The following NHEJ1 variants were observed in gnomAD, a reference collection of about 807,000 sequenced individuals.
NHEJ1 encodes non-homologous end joining factor 1.
Under a neutral mutation model 39.4 loss-of-function variants are expected in NHEJ1, and 22 were observed. The ratio of observed to expected loss-of-function variants is 0.56; its 90% CI spans 0.40 to 0.80. The LOEUF (loss-of-function observed/expected upper bound fraction) is 0.80. Among genes scored for constraint, NHEJ1 ranks in the 30% least tolerant of loss-of-function variants. NHEJ1 has a pLI of 0.00. For synonymous variants in NHEJ1, 154 were observed against 135.6 expected, an observed-to-expected ratio of 1.14 and a Z score of -0.94; for missense variants, 329 against 357.1, an observed-to-expected ratio of 0.92 and a Z score of 0.63.
intron 5 of NHEJ1, among the ~76,000 whole-genome samples, chr2:219,099,388 G>A (rs1949235802): frequency 6.6e-6 from 1 of 152,134 alleles, no homozygotes; most frequent in African/African-American, 2.4e-5. Context: ...TTCTCTGTGG[G>A]CAAAACCTCC....
chr2:219,081,941 A>G (rs535879472), intron 5 of NHEJ1, among the ~76,000 whole-genome samples: 2 of 152,228 alleles, frequency 1.3e-5, no homozygotes, highest in Non-Finnish European at 2.9e-5. Flanking sequence ...CACATTCACT[A>G]GTTTGCAAAG....
intron 5 of NHEJ1, among the ~76,000 whole-genome samples, chr2:219,089,645 G>C (rs1364604306): frequency 6.6e-6 from 1 of 152,136 alleles, no homozygotes; most frequent in Non-Finnish European, 1.5e-5. Flanking sequence ...AAAATGTTCT[G>C]GAATTAGACA....
chr2:219,154,324 C>T (rs1201474021), intron 3 of NHEJ1, among the ~76,000 whole-genome samples: 2 of 152,232 alleles, frequency 1.3e-5, no homozygotes, highest in East Asian at 1.9e-4. Flanking sequence ...ACAGTATATA[C>T]ATATATAGCT....
At chr2:219,146,965 A>T (rs1949747187) in intron 4 of NHEJ1, among the ~76,000 whole-genome samples, 1 of 152,160 alleles carries the variant, frequency 6.6e-6, no homozygotes, top group Admixed American at 6.5e-5. Context: ...CTGCTCTAGG[A>T]GTTTTTCCTG....
intron 7 of NHEJ1, 88 bp from the exon 8 acceptor site, chr2:219,076,543 G>T: frequency 1.0e-6 from 1 of 979,908 alleles, no homozygotes; most frequent in Non-Finnish European, 1.5e-6. Flanking sequence ...CATGGCTCCT[G>T]GTTAGGATGA....
At chr2:219,135,984 T>C (rs1398865668) in intron 5 of NHEJ1, among the ~76,000 whole-genome samples, 1 of 152,216 alleles carries the variant, frequency 6.6e-6, no homozygotes, top group Non-Finnish European at 1.5e-5. Context: ...TGCTAGCCTA[T>C]CCAGGTCTAG....
At position 219,159,919 on chromosome 2, in the gene NHEJ1, T is replaced by C. The variant is rs150348006; in HGVS notation, c.-1+801A>G. On this transcript the variant is annotated intron_variant, in intron 1 of 7. Coordinates refer to ENST00000356853, the MANE Select transcript of NHEJ1 (RefSeq NM_024782.3). ...GAACCCTCAAATTGATGGGTTTTGT[T>C]TGTCTGTTGGGTAAAGGGGGAGGAG... Among the ~76,000 whole-genome samples, 581 of 152,156 alleles carry C rather than the reference T, an allele frequency of 3.8e-3. 3 individuals are homozygous for C. Among genetic ancestry groups the C allele is most frequent in the African/African-American group, 0.013 (548 of 41,528 alleles).
intron 5 of NHEJ1, among the ~76,000 whole-genome samples, chr2:219,087,878 G>T (rs561924358): frequency 6.6e-6 from 1 of 152,134 alleles, no homozygotes; most frequent in East Asian, 1.9e-4. Context: ...AACCAACAAA[G>T]AACTCATTTC....
At chr2:219,107,372 C>T (rs1949324241) in intron 5 of NHEJ1, among the ~76,000 whole-genome samples, 1 of 152,186 alleles carries the variant, frequency 6.6e-6, no homozygotes, top group Non-Finnish European at 1.5e-5. Context: ...AATTGCTCGT[C>T]TGACAGATGA....
At chr2:219,121,541 C>T (rs1161662290) in intron 5 of NHEJ1, among the ~76,000 whole-genome samples, 1 of 152,038 alleles carries the variant, frequency 6.6e-6, no homozygotes, top group African/African-American at 2.4e-5. Flanking sequence ...TCACACGTGA[C>T]ATCAAAACCT....
At chr2:219,144,357 T>C (rs780094488) in intron 5 of NHEJ1, among the ~76,000 whole-genome samples, 14 of 151,956 alleles carry the variant, frequency 9.2e-5, no homozygotes, top group Non-Finnish European at 1.6e-4. Context: ...AGTCCACAGA[T>C]CAGTGGAGGA....
chr2:219,148,973 T>C, intron 3 of NHEJ1, among the ~76,000 whole-genome samples: 1 of 151,056 alleles, frequency 6.6e-6, no homozygotes. Flanking sequence ...AACCTCCACC[T>C]CCCAGGTTCA....
chr2:219,159,588 CATAT>C lies in NHEJ1; in HGVS notation c.-1+1128_-1+1131del, dbSNP rs368325501. Among the ~76,000 whole-genome samples, 118 of 69,414 alleles carry C rather than the reference CATAT, an allele frequency of 1.7e-3. 3 individuals are homozygous for C. Among genetic ancestry groups the C allele is most frequent in the Middle Eastern group, 8.9e-3 (1 of 112 alleles). The allele number at this position is 69,414 out of a possible 152,430, so 45.5% of individuals were successfully genotyped here. On this transcript the variant is annotated intron_variant, in intron 1 of 7. Coordinates refer to ENST00000356853, the MANE Select transcript of NHEJ1 (RefSeq NM_024782.3). ...GCATATATATATGCATATATATATGCATATATATATATGCATATATATACATATA... is the reference window on the plus strand; with the variant it reads ...GCATATATATATGCATATATATATGCATATATATGCATATATATACATATA...
intron 5 of NHEJ1, among the ~76,000 whole-genome samples, chr2:219,116,987 C>T (rs1367485037): frequency 1.3e-5 from 2 of 152,150 alleles, no homozygotes; most frequent in African/African-American, 4.8e-5. Flanking sequence ...AAGAACAGAG[C>T]TGAGAGGAGA....
chr2:219,081,404 G>A (rs1373655083), intron 5 of NHEJ1, among the ~76,000 whole-genome samples: 8 of 152,190 alleles, frequency 5.3e-5, no homozygotes, highest in Admixed American at 2.0e-4. Flanking sequence ...CCAGGAGCAC[G>A]ATGTACCGGC....
intron 5 of NHEJ1, among the ~76,000 whole-genome samples, chr2:219,131,519 T>C (rs1949578656): frequency 6.6e-6 from 1 of 152,172 alleles, no homozygotes; most frequent in Non-Finnish European, 1.5e-5. Context: ...AATCGGCAAA[T>C]AGCTTCAGGG....
chr2:219,073,404 C>G lies in NHEJ1; in HGVS notation c.*2977G>C, dbSNP rs959844528. Among the ~76,000 whole-genome samples, 2 of 152,290 alleles carry G rather than the reference C, an allele frequency of 1.3e-5. No individual in the cohort carries two copies. The highest frequency in any genetic ancestry group is 2.9e-5 in the Non-Finnish European group (2 of 68,032). ...CCTAGTGATATCTTTTAGGACCCAG[C>G]CTGAGCTCTGCTTTTAAGGGTTGCT... is the stretch of plus-strand genomic sequence containing the variant. On this transcript the variant is annotated 3_prime_UTR_variant, in exon 8 of 8. Transcript: ENST00000356853.
chr2:219,150,525 A>T (rs1949784799), intron 3 of NHEJ1, among the ~76,000 whole-genome samples: 1 of 152,186 alleles, frequency 6.6e-6, no homozygotes, highest in African/African-American at 2.4e-5. Flanking sequence ...GTTTTGTTAA[A>T]TTTGGTCCTG....
chr2:219,148,886 C>A (rs1285707417), intron 3 of NHEJ1, among the ~76,000 whole-genome samples: 1 of 151,768 alleles, frequency 6.6e-6, no homozygotes, highest in Non-Finnish European at 1.5e-5. Flanking sequence ...ACACAACCCC[C>A]CCTTTTTTTT....
Sources: allele counts gnomAD v4.1 joint callset (sites outside exome capture counted in the v4.1 genomes callset), GRCh38; gene constraint gnomAD v4.1.1; transcripts MANE v1.5; gene names NCBI Gene and HGNC (gene_info 2026-07-23, HGNC 2026-07-21).